Variants in GUCY2F observed in about 807,000 individuals in gnomAD.
GUCY2F encodes the protein retinal guanylyl cyclase 2.
A neutral mutation model predicts 73.1 loss-of-function variants in GUCY2F; 61 were observed. That is an observed-to-expected ratio of 0.83 (90% CI 0.68 to 1.03). GUCY2F has a LOEUF of 1.03. Among genes scored for constraint, GUCY2F ranks in the 50% least tolerant of loss-of-function variants. GUCY2F has a pLI of 0.00. For synonymous variants in GUCY2F, 331 were observed against 307.8 expected (o/e 1.08, Z -0.79); for missense variants, 912 against 854.3 (o/e 1.07, Z -0.84).
chrX:109,437,642 C>T (rs2147271310), intron 7 of GUCY2F, among the ~76,000 whole-genome samples: 1 of 112,895 alleles, frequency 8.9e-6, no homozygotes, highest in African/African-American at 3.2e-5. Context: ...AATACCAATA[C>T]CTGGCCCCAC....
chrX:109,434,720 G>C (rs1415725369), intron 7 of GUCY2F, among the ~76,000 whole-genome samples: 1 of 109,967 alleles, frequency 9.1e-6, no homozygotes, highest in Non-Finnish European at 1.9e-5. Flanking sequence ...GTCCTGAATG[G>C]TAAAGCCTAG....
In GUCY2F at chrX:109,382,235, AT is replaced by A. The variant is rs201092444; in HGVS notation, c.3056-24del. The A allele has an allele frequency of 4.3e-3, 4,060 of 950,702 alleles. 31 individuals carry two copies. Among genetic ancestry groups the A allele is most frequent in the African/African-American group, 0.041 (2,158 of 52,300 alleles). The allele number at this position is 950,702 out of a possible 1,213,427, so 78.3% of individuals were successfully genotyped here. On this transcript the variant is annotated intron_variant, in intron 16 of 19. Coordinates refer to ENST00000218006, the MANE Select transcript of GUCY2F (RefSeq NM_001522.3). ...AAGCTGCAAAAGAAGGAGAGACATG[AT>A]TTGGGCTCCTTTCTCACTGGCAAAA...
intron 7 of GUCY2F, 90 bp from the exon 8 acceptor site, chrX:109,430,486 C>A (rs1008864642): frequency 3.2e-5 from 17 of 533,586 alleles, no homozygotes; most frequent in Non-Finnish European, 5.2e-5. Flanking sequence ...GGGTTTATAC[C>A]TATACCAGCA....
Position 109,452,242 on chromosome X carries a change from T to C in GUCY2F, c.1388-135A>G. On this transcript the variant is annotated intron_variant, in intron 4 of 19. Coordinates refer to ENST00000218006, the MANE Select transcript of GUCY2F (RefSeq NM_001522.3). ...ACATCTACCTAACCTAATTCCATTT[T>C]TTCTCAGCACAGTCTGTCTTGTTGA... 3 of 472,177 alleles carry C rather than the reference T, an allele frequency of 6.4e-6. No homozygotes were observed. In the South Asian group the frequency reaches 1.0e-4, roughly 16 times the overall value. The allele number at this position is 472,177 out of a possible 1,213,427, so 38.9% of individuals were successfully genotyped here.
chrX:109,389,466 G>T (rs1015887267), intron 14 of GUCY2F, among the ~76,000 whole-genome samples: 4 of 112,071 alleles, frequency 3.6e-5, no homozygotes, highest in Middle Eastern at 9.1e-3. Context: ...AAACCCATGT[G>T]TTCCCAGAGA....
intron 8 of GUCY2F, among the ~76,000 whole-genome samples, chrX:109,420,665 C>T (rs756958355): frequency 8.9e-6 from 1 of 111,744 alleles, no homozygotes; most frequent in Admixed American, 9.4e-5. Context: ...AAAACTTGAA[C>T]AGGCTCTTCA....
At chrX:109,373,925 AT>A (rs749479169) in intron 19 of GUCY2F, among the ~76,000 whole-genome samples, 9 of 111,853 alleles carry the variant, frequency 8.0e-5, no homozygotes, top group Non-Finnish European at 1.1e-4. Flanking sequence ...AGCCCCTGTA[AT>A]CACTTCACCA....
chrX:109,465,930 T>G (rs755744283), intron 2 of GUCY2F, among the ~76,000 whole-genome samples: 1 of 112,049 alleles, frequency 8.9e-6, no homozygotes, highest in Non-Finnish European at 1.9e-5. Flanking sequence ...ACTATATACC[T>G]AAGAATTAGA....
intron 10 of GUCY2F, among the ~76,000 whole-genome samples, chrX:109,402,459 G>A (rs1234221480): frequency 2.8e-5 from 3 of 105,946 alleles, no homozygotes; most frequent in African/African-American, 1.0e-4. Flanking sequence ...TGCAACCTCC[G>A]CCTCCCAGAC....
intron 8 of GUCY2F, among the ~76,000 whole-genome samples, chrX:109,429,623 T>A (rs1215822080): frequency 9.0e-6 from 1 of 111,685 alleles, no homozygotes; most frequent in East Asian, 2.8e-4. Context: ...TAGAGCAATC[T>A]GTGATTGCCT....
intron 1 of GUCY2F, 76 bp from the exon 2 acceptor site, chrX:109,476,097 GC>G: frequency 2.0e-5 from 6 of 306,034 alleles, no homozygotes; most frequent in Non-Finnish European, 2.5e-5. Context: ...TGAAAGAATG[GC>G]AAAAAAAAAA....
chrX:109,387,920 G>T (rs966863207), intron 15 of GUCY2F, among the ~76,000 whole-genome samples: 2 of 111,748 alleles, frequency 1.8e-5, no homozygotes, highest in African/African-American at 6.5e-5. Context: ...AGGCAGACAA[G>T]GACCGGGGAA....
chrX:109,416,420 A>G (rs1204239731), intron 8 of GUCY2F, among the ~76,000 whole-genome samples: 1 of 110,897 alleles, frequency 9.0e-6, no homozygotes, highest in African/African-American at 3.3e-5. Flanking sequence ...AAGTAAAAAA[A>G]TTTGCTAGGT....
In GUCY2F at chrX:109,465,147, C is replaced by T. The variant is rs149453194; in HGVS notation, c.1027G>A (p.Asp343Asn). 33 of 1,200,992 alleles carry T rather than the reference C, an allele frequency of 2.7e-5. No homozygotes were observed. In the African/African-American group the frequency reaches 4.7e-4, roughly 17 times the overall value. ...ACCTATGAATGTGTACTTACTTGAT[C>T]GAACTCCAGCTTCTCAGGAATTTCA... ...RGEIPEKLEF[D>N]QVSPLFGTIY... Residue 343 changes from aspartate (D) to asparagine (N), a missense_variant, in exon 3 of 20, where the codon GAT (aspartate) becomes AAT (asparagine). By Grantham distance (23) the Asp-to-Asn change is conservative. Transcript: ENST00000218006.
chrX:109,394,311 C>T (rs886139855), intron 12 of GUCY2F, among the ~76,000 whole-genome samples: 11 of 112,127 alleles, frequency 9.8e-5, no homozygotes, highest in Non-Finnish European at 1.9e-4. Flanking sequence ...GCTCTTTCTC[C>T]TGCCTCATGG....
At chrX:109,413,847 G>C (rs1244048025) in intron 8 of GUCY2F, among the ~76,000 whole-genome samples, 1 of 111,804 alleles carries the variant, frequency 8.9e-6, no homozygotes, top group Non-Finnish European at 1.9e-5. Flanking sequence ...CCATCCTAGA[G>C]GTGGGTATGT....
At position 109,448,143 on chromosome X, in the gene GUCY2F, A is replaced by G; in HGVS notation, c.1495T>C (p.Leu499=). The change falls in exon 6 of 20, where the codon TTG becomes CTG. Residue 499 remains leucine, a synonymous_variant. Coordinates refer to ENST00000218006, the MANE Select transcript of GUCY2F (RefSeq NM_001522.3). ...AGAATTCTATTGGGTCCTTTGATCA[A>G]CTGGATTTTATTTATACGACGCCTA... ...FIRRRINKIQ[L]IKGPNRILLT... is the part of the protein sequence containing the mutation. The G allele has an allele frequency of 9.1e-6, 10 of 1,093,013 alleles. No homozygotes were observed. The highest frequency in any genetic ancestry group is 1.3e-5 in the Non-Finnish European group (10 of 787,867). 90.1% of individuals were successfully genotyped at this position (1,093,013 alleles called of 1,213,427 possible). A position where few individuals can be genotyped will look rare whatever the true frequency, so the allele number is the denominator to read the frequency against.
At chrX:109,477,841 T>A (rs1932727534) in intron 1 of GUCY2F, among the ~76,000 whole-genome samples, 1 of 112,051 alleles carries the variant, frequency 8.9e-6, no homozygotes, top group Non-Finnish European at 1.9e-5. Flanking sequence ...CCTTGACTCC[T>A]GAAGAGACCA....
intron 17 of GUCY2F, among the ~76,000 whole-genome samples, chrX:109,377,729 G>T (rs1930212072): frequency 8.9e-6 from 1 of 111,785 alleles, no homozygotes; most frequent in Admixed American, 9.5e-5. Context: ...TTGACTGTTT[G>T]TCTTGAGATC....
Sources: gnomAD v4.1 joint callset for allele counts (sites outside exome capture counted in the v4.1 genomes callset) on GRCh38, gnomAD v4.1.1 for gene constraint, MANE v1.5 for transcripts, NCBI Gene and HGNC (gene_info 2026-07-23, HGNC 2026-07-21) for gene names.